The following WWOX variants were observed in gnomAD, a reference collection of about 807,000 sequenced individuals.
The protein encoded by WWOX is WW domain containing oxidoreductase, also known as WW domain-containing oxidoreductase.
WWOX carries 69 observed loss-of-function variants against 46.2 expected under a neutral mutation model. That is an observed-to-expected ratio of 1.49 (90% CI 1.23 to 1.82). The LOEUF is 1.82. Ranked by LOEUF, WWOX falls within the 40% of genes most tolerant of loss-of-function variation. The pLI, the probability that WWOX is intolerant of heterozygous loss-of-function variation, is 0.00. For synonymous variants in WWOX, 359 were observed against 202.6 expected (o/e 1.77, Z -6.56); for missense variants, 919 against 542.6 (o/e 1.69, Z -6.89).
At chr16:78,823,685 A>T (rs1374306889) in intron 8 of WWOX, among the ~76,000 whole-genome samples, 3 of 152,198 alleles carry the variant, frequency 2.0e-5, no homozygotes, top group Non-Finnish European at 4.4e-5. Context: ...GTGTGCATTT[A>T]AGGCCCGCCG....
chr16:78,398,012 A>C (rs889985717), intron 6 of WWOX, among the ~76,000 whole-genome samples: 1 of 152,190 alleles, frequency 6.6e-6, no homozygotes, highest in Non-Finnish European at 1.5e-5. Flanking sequence ...CATTTGCATC[A>C]TCTTTATACA....
intron 8 of WWOX, among the ~76,000 whole-genome samples, chr16:78,647,738 C>T (rs1055404692): frequency 6.6e-6 from 1 of 152,292 alleles, no homozygotes; most frequent in African/African-American, 2.4e-5. Flanking sequence ...AGTGGCAGAT[C>T]CAGAGATGAA....
intron 8 of WWOX, among the ~76,000 whole-genome samples, chr16:78,583,904 T>C (rs1389953975): frequency 6.6e-6 from 1 of 152,214 alleles, no homozygotes. Context: ...GGGAATATTT[T>C]AGGCATCCTC....
At chr16:78,875,900 C>T (rs752853625) in intron 8 of WWOX, among the ~76,000 whole-genome samples, 2 of 152,268 alleles carry the variant, frequency 1.3e-5, no homozygotes, top group Admixed American at 1.3e-4. Flanking sequence ...TGTTCTAATT[C>T]TTTCTCCTGA....
intron 4 of WWOX, among the ~76,000 whole-genome samples, chr16:78,138,785 C>T (rs560550892): frequency 1.3e-5 from 2 of 152,250 alleles, no homozygotes; most frequent in African/African-American, 2.4e-5. Flanking sequence ...AGAGTCCCAG[C>T]GAAGTGCTTA....
chr16:79,161,679 C>T (rs538870309), intron 8 of WWOX, among the ~76,000 whole-genome samples: 5 of 152,140 alleles, frequency 3.3e-5, no homozygotes, highest in South Asian at 2.1e-4. Flanking sequence ...CCACCATGCC[C>T]GGCTAGTTTT....
intron 5 of WWOX, among the ~76,000 whole-genome samples, chr16:78,316,438 G>C (rs927713835): frequency 2.6e-5 from 4 of 151,962 alleles, no homozygotes; most frequent in Non-Finnish European, 5.9e-5. Context: ...ACCCCCCTGG[G>C]TTCAAGCGAT....
chr16:79,025,981 A>T lies in WWOX; in HGVS notation c.1057-185627A>T, dbSNP rs2047632697. Among the ~76,000 whole-genome samples the T allele has an allele frequency of 1.3e-5, 2 of 151,124 alleles. 1 individual carries two copies. The highest frequency in any genetic ancestry group is 4.9e-5 in the African/African-American group (2 of 40,800). On this transcript the variant is annotated intron_variant, in intron 8 of 8. Transcript: ENST00000566780. Reference sequence around the variant, plus strand: ...GCCGAGCTAATGTTTTTGGATTTTTAGTAGAGATGGGTTTTAGCCATGTTG... The same window carrying T: ...GCCGAGCTAATGTTTTTGGATTTTTTGTAGAGATGGGTTTTAGCCATGTTG...
intron 8 of WWOX, among the ~76,000 whole-genome samples, chr16:79,194,621 C>T (rs1360153187): frequency 2.6e-5 from 4 of 152,164 alleles, no homozygotes; most frequent in African/African-American, 9.7e-5. Flanking sequence ...CACCCCCGTT[C>T]AGTTCCCAGG....
intron 8 of WWOX, among the ~76,000 whole-genome samples, chr16:78,855,116 A>AGT (rs903364702): frequency 1.1e-4 from 17 of 152,162 alleles, no homozygotes; most frequent in Non-Finnish European, 1.5e-5. Context: ...TGTTTTTACA[A>AGT]GTGTGTTTAA....
chr16:78,599,083 T>G (rs1327197147), intron 8 of WWOX, among the ~76,000 whole-genome samples: 2 of 152,112 alleles, frequency 1.3e-5, no homozygotes, highest in African/African-American at 4.8e-5. Flanking sequence ...CAGGAAGGTG[T>G]CCGATCAGAA....
chr16:78,385,281 C>G (rs528067832), intron 5 of WWOX, among the ~76,000 whole-genome samples: 1 of 152,296 alleles, frequency 6.6e-6, no homozygotes, highest in South Asian at 2.1e-4. Flanking sequence ...CATCTGTCCA[C>G]TGTGCTGGAC....
At chr16:78,271,214 A>G (rs976580053) in intron 5 of WWOX, among the ~76,000 whole-genome samples, 9 of 152,168 alleles carry the variant, frequency 5.9e-5, no homozygotes, top group Admixed American at 2.0e-4. Context: ...ATGTTATCCC[A>G]TTCACAGATG....
Position 78,619,427 on chromosome 16 carries a change from A to G in WWOX, c.1056+186675A>G, listed in dbSNP as rs1378006314. On this transcript the variant is annotated intron_variant, in intron 8 of 8. Coordinates refer to ENST00000566780, the MANE Select transcript of WWOX (RefSeq NM_016373.4). ...ACACACTCCAGGTGTATATCTCAAC[A>G]AATTTGTACACACTGCATGCACATG... Among the ~76,000 whole-genome samples, 3 of 149,098 alleles carry G rather than the reference A, an allele frequency of 2.0e-5. No individual in the cohort carries two copies. The East Asian group carries it at 6.0e-4, about 30-fold the overall frequency.
At chr16:78,361,507 A>T (rs1302532816) in intron 5 of WWOX, among the ~76,000 whole-genome samples, 1 of 152,190 alleles carries the variant, frequency 6.6e-6, no homozygotes, top group Non-Finnish European at 1.5e-5. Context: ...AGTGTTTACC[A>T]TGATGCTTGG....
chr16:78,461,697 T>C (rs540043020), intron 8 of WWOX, among the ~76,000 whole-genome samples: 1 of 152,276 alleles, frequency 6.6e-6, no homozygotes, highest in Non-Finnish European at 1.5e-5. Context: ...CATGTAAAAA[T>C]ACACTGCAAG....
chr16:78,782,472 A>G (rs966306033), intron 8 of WWOX, among the ~76,000 whole-genome samples: 15 of 152,160 alleles, frequency 9.9e-5, no homozygotes, highest in Admixed American at 9.8e-4. Context: ...CAACGATTCT[A>G]AATACTCTCC....
Position 79,131,084 on chromosome 16 carries a change from G to A in WWOX, c.1057-80524G>A, listed in dbSNP as rs551267900. Among the ~76,000 whole-genome samples the A allele has an allele frequency of 4.6e-5, 7 of 152,258 alleles. No individual in the cohort carries two copies. In the South Asian group the frequency reaches 1.5e-3, roughly 32 times the overall value. ...TCTTTTTTTGTTTGATTTCACTCCTGAAAAGTGGGCTTTCTGTGAGAGTTG... is the reference window on the plus strand; with the variant it reads ...TCTTTTTTTGTTTGATTTCACTCCTAAAAAGTGGGCTTTCTGTGAGAGTTG... On this transcript the variant is annotated intron_variant, in intron 8 of 8. Coordinates refer to ENST00000566780, the MANE Select transcript of WWOX (RefSeq NM_016373.4).
intron 8 of WWOX, among the ~76,000 whole-genome samples, chr16:79,137,823 C>T (rs1184034030): frequency 1.3e-5 from 2 of 152,046 alleles, no homozygotes; most frequent in African/African-American, 4.8e-5. Flanking sequence ...CCTGCTGGGT[C>T]AGGCTTCTGG....
Sources: gnomAD v4.1 joint callset for allele counts (sites outside exome capture counted in the v4.1 genomes callset) on GRCh38, gnomAD v4.1.1 for gene constraint, MANE v1.5 for transcripts, NCBI Gene and HGNC (gene_info 2026-07-23, HGNC 2026-07-21) for gene names.